SGCZ: variants seen among roughly 807,000 people sequenced by gnomAD.
The protein encoded by SGCZ is sarcoglycan zeta, also known as zeta-sarcoglycan.
Under a neutral mutation model 41.3 loss-of-function variants are expected in SGCZ, and 40 were observed. The ratio of observed to expected loss-of-function variants is 0.97; its 90% CI spans 0.75 to 1.26. SGCZ has a LOEUF of 1.26. Ranked by LOEUF, SGCZ falls within the 50% of genes most tolerant of loss-of-function variation. The probability of loss-of-function intolerance (pLI) is 0.00; values close to 1 mark genes in which losing one functional copy is unlikely to be tolerated. For synonymous variants in SGCZ, 206 were observed against 137.5 expected (o/e 1.50, Z -3.49); for missense variants, 552 against 369.8 (o/e 1.49, Z -4.04).
At chr8:14,595,797 G>C (rs1805393212) in intron 1 of SGCZ, among the ~76,000 whole-genome samples, 2 of 152,180 alleles carry the variant, frequency 1.3e-5, no homozygotes, top group Non-Finnish European at 2.9e-5. Context: ...GCCTTATTGA[G>C]TGGAAAATTT....
At chr8:15,103,851 T>C (rs1331682608) in intron 1 of SGCZ, among the ~76,000 whole-genome samples, 4 of 152,090 alleles carry the variant, frequency 2.6e-5, no homozygotes, top group African/African-American at 9.7e-5. Context: ...TAAAATCTAA[T>C]TGGGCATGCA....
chr8:14,731,060 A>T (rs1222936345), intron 1 of SGCZ, among the ~76,000 whole-genome samples: 1 of 151,868 alleles, frequency 6.6e-6, no homozygotes, highest in Admixed American at 6.6e-5. Context: ...ATGATAAATA[A>T]TTCTACCATA....
At chr8:14,524,537 G>A (rs772444472) in intron 2 of SGCZ, among the ~76,000 whole-genome samples, 22 of 152,032 alleles carry the variant, frequency 1.4e-4, no homozygotes, top group South Asian at 2.1e-4. Flanking sequence ...ACAAAGGTAC[G>A]AAGAGCTCAA....
intron 2 of SGCZ, among the ~76,000 whole-genome samples, chr8:14,360,767 C>T (rs35767753): frequency 0.058 from 8,782 of 152,234 alleles, 360 homozygotes; most frequent in Non-Finnish European, 0.093. Flanking sequence ...TGGACATTCA[C>T]GTTCAGGTTT....
intron 3 of SGCZ, among the ~76,000 whole-genome samples, chr8:14,293,898 A>G (rs28639817): frequency 0.15 from 22,444 of 151,742 alleles, 1,840 homozygotes; most frequent in Admixed American, 0.22. Flanking sequence ...ATCTTAAAAT[A>G]TTTATTTTAA....
chr8:14,422,977 A>G (rs906766031), intron 2 of SGCZ, among the ~76,000 whole-genome samples: 1 of 152,084 alleles, frequency 6.6e-6, no homozygotes, highest in Non-Finnish European at 1.5e-5. Context: ...GCAATGAGCC[A>G]TGATCATGCC....
intron 4 of SGCZ, among the ~76,000 whole-genome samples, chr8:14,199,941 C>A (rs779166987): frequency 6.6e-6 from 1 of 152,092 alleles, no homozygotes. Flanking sequence ...GTAACTCAAA[C>A]TACAAAAGTT....
chr8:14,234,412 A>G (rs568938739), intron 4 of SGCZ, among the ~76,000 whole-genome samples: 35 of 152,178 alleles, frequency 2.3e-4, no homozygotes, highest in Admixed American at 1.3e-4. Context: ...AACTACTTAC[A>G]TATATTTTTG....
chr8:14,512,825 A>C (rs536845924), intron 2 of SGCZ, among the ~76,000 whole-genome samples: 2 of 152,090 alleles, frequency 1.3e-5, no homozygotes, highest in African/African-American at 4.8e-5. Flanking sequence ...AACTTTATTA[A>C]TTGTCTACCC....
intron 1 of SGCZ, among the ~76,000 whole-genome samples, chr8:14,848,622 G>A (rs1803216147): frequency 6.6e-6 from 1 of 152,186 alleles, no homozygotes; most frequent in South Asian, 2.1e-4. Flanking sequence ...TCAACAAGTG[G>A]TGTTGGGACT....
At chr8:15,135,976 A>T (rs1050878356) in intron 1 of SGCZ, among the ~76,000 whole-genome samples, 1 of 152,154 alleles carries the variant, frequency 6.6e-6, no homozygotes, top group Non-Finnish European at 1.5e-5. Flanking sequence ...ACTTTCTTTT[A>T]AAAAACGGTG....
At chr8:14,318,610 G>C (rs1801803798) in intron 3 of SGCZ, among the ~76,000 whole-genome samples, 1 of 151,868 alleles carries the variant, frequency 6.6e-6, no homozygotes, top group African/African-American at 2.4e-5. Flanking sequence ...ACCATTGGAA[G>C]TATTCTACAG....
chr8:14,213,859 G>T (rs1018393190), intron 4 of SGCZ, among the ~76,000 whole-genome samples: 1 of 152,092 alleles, frequency 6.6e-6, no homozygotes, highest in Non-Finnish European at 1.5e-5. Flanking sequence ...TATGTCAGTT[G>T]TGAAAAACGT....
At position 15,033,252 on chromosome 8, in the gene SGCZ, C is replaced by A. The variant is rs926373413; in HGVS notation, c.39+204333G>T. ...CTCATAGACCTAGCCTCCAGCCCAA[C>A]ACCCACACACCCAAACTCCAGGTCA... is the stretch of plus-strand genomic sequence containing the variant. On this transcript the variant is annotated intron_variant, in intron 1 of 7. Coordinates refer to ENST00000382080, the MANE Select transcript of SGCZ (RefSeq NM_139167.4). Among the ~76,000 whole-genome samples the A allele has an allele frequency of 5.3e-5, 8 of 152,056 alleles. No individual in the cohort carries two copies. The South Asian group carries it at 8.3e-4, about 16-fold the overall frequency.
intron 2 of SGCZ, among the ~76,000 whole-genome samples, chr8:14,407,167 C>G (rs1016867252): frequency 7.0e-6 from 1 of 143,152 alleles, no homozygotes; most frequent in African/African-American, 2.6e-5. Context: ...CTCCTGGGTT[C>G]AAGCTATTCT....
intron 5 of SGCZ, among the ~76,000 whole-genome samples, chr8:14,159,872 C>T (rs1585189094): frequency 6.6e-6 from 1 of 152,026 alleles, no homozygotes; most frequent in South Asian, 2.1e-4. Flanking sequence ...TAAAAACAAA[C>T]CAGAAGATAT....
At chr8:14,964,845 A>G (rs758348586) in intron 1 of SGCZ, among the ~76,000 whole-genome samples, 13 of 152,050 alleles carry the variant, frequency 8.5e-5, no homozygotes, top group Non-Finnish European at 1.3e-4. Context: ...ATACCTGCAA[A>G]AGGGAGGTAG....
intron 1 of SGCZ, among the ~76,000 whole-genome samples, chr8:15,202,055 T>G (rs1485893184): frequency 2.6e-5 from 4 of 152,240 alleles, no homozygotes; most frequent in African/African-American, 9.6e-5. Context: ...ATTCTATTGT[T>G]GTCCACATCA....
At chr8:15,090,244 A>G (rs1806107723) in intron 1 of SGCZ, among the ~76,000 whole-genome samples, 1 of 152,212 alleles carries the variant, frequency 6.6e-6, no homozygotes, top group African/African-American at 2.4e-5. Flanking sequence ...TGAAAGTTTT[A>G]AGACATGTAG....
Sources: gnomAD v4.1 joint callset for allele counts (sites outside exome capture counted in the v4.1 genomes callset) on GRCh38, gnomAD v4.1.1 for gene constraint, MANE v1.5 for transcripts, NCBI Gene and HGNC (gene_info 2026-07-23, HGNC 2026-07-21) for gene names.